BPHL: variants seen among roughly 807,000 people sequenced by gnomAD.
BPHL encodes biphenyl hydrolase like.
Under a neutral mutation model 31.2 loss-of-function variants are expected in BPHL, and 27 were observed. The observed-to-expected ratio is 0.87, with a 90% CI of 0.64 to 1.19. The LOEUF (loss-of-function observed/expected upper bound fraction) is 1.19, where lower values mean the gene tolerates loss of function less well. BPHL is among the 50% of genes most tolerant of loss of function. The probability of loss-of-function intolerance (pLI) is 0.00; values close to 1 mark genes in which losing one functional copy is unlikely to be tolerated. For synonymous variants in BPHL, 150 were observed against 146.8 expected (o/e 1.02, Z -0.16); for missense variants, 356 against 375.7 (o/e 0.95, Z 0.43).
intron 4 of BPHL, among the ~76,000 whole-genome samples, chr6:3,133,155 A>G (rs1175803323): frequency 6.6e-6 from 1 of 152,150 alleles, no homozygotes; most frequent in African/African-American, 2.4e-5. Context: ...CTGCTTGTCA[A>G]GTGAAAAACG....
At chr6:3,125,325 A>G (rs1208300709) in intron 2 of BPHL, among the ~76,000 whole-genome samples, 1 of 152,126 alleles carries the variant, frequency 6.6e-6, no homozygotes, top group African/African-American at 2.4e-5. Flanking sequence ...GATTACAGGC[A>G]TGAGCCACAG....
rs756403037 is a variant in BPHL at position 3,129,041 on chromosome 6, A to T, written c.379-4A>T. 96 of 1,614,114 alleles carry T rather than the reference A, an allele frequency of 5.9e-5. No homozygotes were observed. Among genetic ancestry groups the T allele is most frequent in the Non-Finnish European group, 8.1e-5 (96 of 1,180,042 alleles). ...GTGCCGTGCATTTTGTCGTATGATC[A>T]TAGGCGCTGAAGTTTAAGAAGGTTT... is the stretch of plus-strand genomic sequence containing the variant. On this transcript the variant is annotated splice_region_variant and splice_polypyrimidine_tract_variant and intron_variant, in intron 3 of 6. Coordinates refer to ENST00000380379, the MANE Select transcript of BPHL (RefSeq NM_004332.4).
At chr6:3,119,609 G>A in intron 1 of BPHL, 1 of 1,507,232 alleles carries the variant, frequency 6.6e-7, no homozygotes, top group African/African-American at 1.4e-5. Flanking sequence ...AATGTGGATA[G>A]AGCGGCATGA....
chr6:3,131,416 C>A (rs1761863992), intron 4 of BPHL, among the ~76,000 whole-genome samples: 1 of 152,182 alleles, frequency 6.6e-6, no homozygotes, highest in Non-Finnish European at 1.5e-5. Context: ...CATTTGCCCA[C>A]CTTGCCCTGT....
chr6:3,138,879 A>G (rs543022806), intron 5 of BPHL: 4 of 152,388 alleles, frequency 2.6e-5, no homozygotes, highest in African/African-American at 4.8e-5. Flanking sequence ...TTCATGATAC[A>G]GAGGCTGTAG....
chr6:3,131,270 G>T (rs546059101), intron 4 of BPHL, among the ~76,000 whole-genome samples: 3 of 151,950 alleles, frequency 2.0e-5, no homozygotes, highest in South Asian at 2.1e-4. Context: ...CCCCTCTACT[G>T]AAACTCTCCT....
At chr6:3,139,558 GC>G (rs1762112972) in intron 5 of BPHL, 1 of 152,190 alleles carries the variant, frequency 6.6e-6, no homozygotes, top group African/African-American at 2.4e-5. Flanking sequence ...GGGCGGGGGA[GC>G]ACTGCCCCGT....
rs74199470 is a variant in BPHL at position 3,146,196 on chromosome 6, C to T, written c.788+5687C>T. 4.0e-4 allele frequency among the ~76,000 whole-genome samples: 10 copies of T among 24,944 alleles called. 1 individual carries two copies. The highest frequency in any genetic ancestry group is 1.2e-3 in the South Asian group (1 of 848). 16.4% of individuals were successfully genotyped at this position (24,944 alleles called of 152,430 possible). ...GCTGGTTCGGGGTGGAGTGCTGGTTCGGGGTGGAGTGCTGGTGTGGGTTGG... is the reference window on the plus strand; with the variant it reads ...GCTGGTTCGGGGTGGAGTGCTGGTTTGGGGTGGAGTGCTGGTGTGGGTTGG... On this transcript the variant is annotated intron_variant, in intron 6 of 6. Coordinates refer to ENST00000380379, the MANE Select transcript of BPHL (RefSeq NM_004332.4).
intron 4 of BPHL, among the ~76,000 whole-genome samples, chr6:3,135,172 C>T (rs1172795956): frequency 1.3e-5 from 2 of 152,242 alleles, no homozygotes; most frequent in African/African-American, 2.4e-5. Context: ...ATCTTCTCTT[C>T]TTCCTGAAGT....
In BPHL at chr6:3,123,654, T is replaced by G; in HGVS notation, c.108-3T>G. On this transcript the variant is annotated splice_region_variant and splice_polypyrimidine_tract_variant and intron_variant, in intron 1 of 6. Transcript: ENST00000380379. Reference sequence around the variant, plus strand: ...CTGTGGGGATGTGTTTTTTCTCTTCTAGCACCTCGGTAACCTCTGCCAAAG... The same window carrying G: ...CTGTGGGGATGTGTTTTTTCTCTTCGAGCACCTCGGTAACCTCTGCCAAAG... 6.2e-7 allele frequency: 1 copy of G among 1,612,924 alleles called. No homozygotes were observed.
chr6:3,135,622 C>T (rs1181938375), intron 4 of BPHL, among the ~76,000 whole-genome samples: 6 of 152,174 alleles, frequency 3.9e-5, no homozygotes, highest in African/African-American at 7.2e-5. Context: ...CTGAGACGAG[C>T]GGACTTTTGT....
intron 5 of BPHL, among the ~76,000 whole-genome samples, chr6:3,137,852 C>T (rs1762055026): frequency 6.6e-6 from 1 of 152,150 alleles, no homozygotes; most frequent in South Asian, 2.1e-4. Flanking sequence ...ATAAATAGGC[C>T]ACAATGTGTA....
chr6:3,119,149 A>G, intron 1 of BPHL: 2 of 800,222 alleles, frequency 2.5e-6, no homozygotes, highest in Non-Finnish European at 4.0e-6. Context: ...ACCCAGGGAG[A>G]TACATTTGCC....
intron 4 of BPHL, among the ~76,000 whole-genome samples, chr6:3,131,752 C>T (rs1761875699): frequency 6.6e-6 from 1 of 152,154 alleles, no homozygotes; most frequent in Non-Finnish European, 1.5e-5. Context: ...ACAAGCTTCC[C>T]CCTCATGCCT....
intron 3 of BPHL, 60 bp from the exon 4 acceptor site, chr6:3,128,985 A>C: frequency 3.1e-6 from 5 of 1,607,598 alleles, no homozygotes; most frequent in Non-Finnish European, 3.4e-6. Context: ...TTAGTGATTC[A>C]GTTTCTTTTA....
intron 5 of BPHL, chr6:3,139,261 G>A (rs765175719): frequency 6.6e-6 from 1 of 152,230 alleles, no homozygotes; most frequent in Non-Finnish European, 1.5e-5. Flanking sequence ...TATTACAGAA[G>A]TCCTTAATGA....
intron 6 of BPHL, among the ~76,000 whole-genome samples, chr6:3,145,916 G>A (rs1353449412): frequency 1.4e-5 from 1 of 69,810 alleles, no homozygotes; most frequent in Non-Finnish European, 3.3e-5. Flanking sequence ...GGTTTGGGTT[G>A]GAGTGCTGGT....
intron 3 of BPHL, 24 bp from the exon 4 acceptor site, chr6:3,129,021 G>T (rs141806995): frequency 5.6e-6 from 9 of 1,614,194 alleles, no homozygotes; most frequent in South Asian, 1.1e-5. Context: ...AACCCGTGCC[G>T]TGCATTTTGT....
At chr6:3,134,603 A>ATTTTTTTT (rs556567574) in intron 4 of BPHL, among the ~76,000 whole-genome samples, 14 of 127,618 alleles carry the variant, frequency 1.1e-4, no homozygotes, top group South Asian at 2.5e-4. Context: ...CACCTGGCTA[A>ATTTTTTTT]TTTTTTTTTT....
Sources: allele counts gnomAD v4.1 joint callset (sites outside exome capture counted in the v4.1 genomes callset), GRCh38; gene constraint gnomAD v4.1.1; transcripts MANE v1.5; gene names NCBI Gene and HGNC (gene_info 2026-07-23, HGNC 2026-07-21).